Variants in PPP1R9A observed in about 807,000 individuals in gnomAD.
PPP1R9A encodes the protein neurabin-1.
Under a neutral mutation model 141.9 loss-of-function variants are expected in PPP1R9A, and 59 were observed. That is an observed-to-expected ratio of 0.42 (90% CI 0.34 to 0.52). PPP1R9A has a LOEUF of 0.52. Ranked by LOEUF, PPP1R9A falls within the 20% of genes least tolerant of loss-of-function variation. The probability of loss-of-function intolerance (pLI) is 0.10; values close to 1 mark genes in which losing one functional copy is unlikely to be tolerated. For synonymous variants in PPP1R9A, 500 were observed against 569.7 expected, an observed-to-expected ratio of 0.88 and a Z score of 1.74; for missense variants, 1,444 against 1,611.9, an observed-to-expected ratio of 0.90 and a Z score of 1.78.
intron 3 of PPP1R9A, among the ~76,000 whole-genome samples, chr7:95,114,843 T>A (rs1821191450): frequency 6.8e-6 from 1 of 146,218 alleles, no homozygotes; most frequent in Non-Finnish European, 1.5e-5. Flanking sequence ...AAATTATAAC[T>A]CATATCCCAA....
intron 2 of PPP1R9A, among the ~76,000 whole-genome samples, chr7:94,980,972 G>A (rs562279743): frequency 4.6e-5 from 7 of 152,270 alleles, no homozygotes; most frequent in Admixed American, 1.3e-4. Context: ...CAAACAGGCC[G>A]TCCTTATCTC....
chr7:94,931,423 T>A (rs1794141868), intron 2 of PPP1R9A, among the ~76,000 whole-genome samples: 1 of 152,170 alleles, frequency 6.6e-6, no homozygotes. Flanking sequence ...ACAGATATCA[T>A]ATTATAAAAA....
chr7:95,196,887 T>C (rs1004095368), intron 5 of PPP1R9A, among the ~76,000 whole-genome samples: 1 of 152,166 alleles, frequency 6.6e-6, no homozygotes, highest in Non-Finnish European at 1.5e-5. Flanking sequence ...TTAAAATTCA[T>C]GTATTTTATT....
At chr7:95,277,183 C>G (rs1475088669) in intron 16 of PPP1R9A, among the ~76,000 whole-genome samples, 1 of 152,166 alleles carries the variant, frequency 6.6e-6, no homozygotes, top group Non-Finnish European at 1.5e-5. Context: ...CAGCTATAAC[C>G]TATGGCTGTT....
chr7:95,037,174 A>G (rs193093052), intron 2 of PPP1R9A: 3 of 152,270 alleles, frequency 2.0e-5, no homozygotes, highest in Admixed American at 2.0e-4. Flanking sequence ...ATAATTATTG[A>G]GAATCAATTA....
At chr7:95,118,557 T>A (rs952956823) in intron 3 of PPP1R9A, among the ~76,000 whole-genome samples, 1 of 152,278 alleles carries the variant, frequency 6.6e-6, no homozygotes, top group East Asian at 1.9e-4. Context: ...CCAAGTGACA[T>A]CTTTTAAAAC....
chr7:95,278,819 A>T (rs1056427448), intron 16 of PPP1R9A, among the ~76,000 whole-genome samples: 1 of 152,150 alleles, frequency 6.6e-6, no homozygotes, highest in East Asian at 1.9e-4. Context: ...CAATATGGTT[A>T]AAAGCCTGGG....
At chr7:95,193,041 C>A (rs935626591) in intron 5 of PPP1R9A, among the ~76,000 whole-genome samples, 2 of 152,014 alleles carry the variant, frequency 1.3e-5, no homozygotes, top group Non-Finnish European at 2.9e-5. Flanking sequence ...ACATCTTATT[C>A]TTTTATCACT....
chr7:94,913,787 A>G (rs549527346), intron 2 of PPP1R9A, among the ~76,000 whole-genome samples: 15 of 152,296 alleles, frequency 9.8e-5, no homozygotes, highest in African/African-American at 3.6e-4. Context: ...AAGGCTTATC[A>G]TGTGTGTTCT....
chr7:95,161,746 T>G (rs1830492149), intron 4 of PPP1R9A, 121 bp from the exon 5 acceptor site: 1 of 637,202 alleles, frequency 1.6e-6, no homozygotes, highest in Middle Eastern at 3.9e-4. Flanking sequence ...AAAGATAGAT[T>G]TTGGATCAAA....
At chr7:95,277,424 TTTTGTTTG>T (rs745497961) in intron 16 of PPP1R9A, among the ~76,000 whole-genome samples, 12 of 152,082 alleles carry the variant, frequency 7.9e-5, no homozygotes, top group African/African-American at 2.4e-4. Context: ...GGCATTGTCT[TTTTGTTTG>T]TTTGTTTGTT....
At chr7:95,088,030 T>A (rs542890014) in intron 2 of PPP1R9A, among the ~76,000 whole-genome samples, 1 of 152,044 alleles carries the variant, frequency 6.6e-6, no homozygotes, top group South Asian at 2.1e-4. Context: ...ATAAGAATTT[T>A]AAAAAATAAA....
chr7:95,253,714 A>G (rs1212668711), intron 12 of PPP1R9A, among the ~76,000 whole-genome samples: 2 of 152,148 alleles, frequency 1.3e-5, no homozygotes, highest in African/African-American at 4.8e-5. Flanking sequence ...GAAGCCAAAA[A>G]AGTAATTTAT....
intron 12 of PPP1R9A, among the ~76,000 whole-genome samples, chr7:95,260,737 C>G (rs1800310828): frequency 1.3e-5 from 2 of 150,494 alleles, no homozygotes; most frequent in Admixed American, 6.6e-5. Context: ...TCAGAATGAG[C>G]TTTAACTTAG....
chr7:95,068,013 G>A (rs1473800573), intron 2 of PPP1R9A, among the ~76,000 whole-genome samples: 3 of 152,000 alleles, frequency 2.0e-5, no homozygotes, highest in Admixed American at 1.3e-4. Context: ...GACTCAGCTC[G>A]CCTGCACCCA....
At chr7:95,223,533 A>T (rs1204015487) in intron 7 of PPP1R9A, among the ~76,000 whole-genome samples, 1 of 152,010 alleles carries the variant, frequency 6.6e-6, no homozygotes, top group Non-Finnish European at 1.5e-5. Context: ...TATTCTTTTA[A>T]AAATATTTGC....
intron 19 of PPP1R9A, 52 bp downstream of exon 19, chr7:95,288,770 A>G (rs1174455463): frequency 6.4e-7 from 1 of 1,572,486 alleles, no homozygotes; most frequent in Non-Finnish European, 8.6e-7. Context: ...TGTATTACTC[A>G]TATCACCTAA....
intron 7 of PPP1R9A, among the ~76,000 whole-genome samples, chr7:95,205,788 ATC>A (rs1206577224): frequency 6.6e-6 from 1 of 152,104 alleles, no homozygotes; most frequent in African/African-American, 2.4e-5. Flanking sequence ...CACTGTGTGT[ATC>A]TCTTTCTGTC....
chr7:95,051,087 A>G (rs974990196), intron 2 of PPP1R9A, among the ~76,000 whole-genome samples: 9 of 151,978 alleles, frequency 5.9e-5, no homozygotes, highest in African/African-American at 1.9e-4. Flanking sequence ...ATAGTTTTGC[A>G]TCTTACATTT....
Sources: allele counts gnomAD v4.1 joint callset (sites outside exome capture counted in the v4.1 genomes callset), GRCh38; gene constraint gnomAD v4.1.1; transcripts MANE v1.5; gene names NCBI Gene and HGNC (gene_info 2026-07-23, HGNC 2026-07-21).